SLC7A6: variants seen among roughly 807,000 people sequenced by gnomAD.
SLC7A6 encodes the protein solute carrier family 7 member 6.
In SLC7A6, 29 loss-of-function variants were observed where a neutral mutation model predicts 46.6. The ratio of observed to expected loss-of-function variants is 0.62; its 90% confidence interval spans 0.46 to 0.85. The LOEUF (loss-of-function observed/expected upper bound fraction) is 0.85. Ranked by LOEUF, SLC7A6 falls within the 40% of genes least tolerant of loss-of-function variation. The pLI is 0.00. For synonymous variants in SLC7A6, 276 were observed against 257.3 expected (o/e 1.07, Z -0.70); for missense variants, 527 against 647.6 (o/e 0.81, Z 2.02).
At position 68,296,299 on chromosome 16, in the gene SLC7A6, G is replaced by A. The variant is rs988609919; in HGVS notation, c.1120-65G>A. 5 of 1,585,492 alleles carry A rather than the reference G, an allele frequency of 3.2e-6. No individual in the cohort carries two copies. The Middle Eastern group carries it at 5.0e-4, about 158-fold the overall frequency. On this transcript the variant is annotated intron_variant, in intron 8 of 10. Coordinates refer to ENST00000219343, the MANE Select transcript of SLC7A6 (RefSeq NM_003983.6). ...TCAGATCTAGTACTGACTGCTGGGT[G>A]GGGGAGTCTCCTGGGGGCGCAGGTG...
At chr16:68,290,602 T>A in intron 5 of SLC7A6, 62 bp downstream of exon 5, 4 of 1,591,406 alleles carry the variant, frequency 2.5e-6, no homozygotes, top group Non-Finnish European at 3.4e-6. Flanking sequence ...ATAGTGGGCG[T>A]GCCTGCCCTC....
At position 68,275,245 on chromosome 16, in the gene SLC7A6, C is replaced by T. The variant is rs759358800; in HGVS notation, c.519C>T (p.Cys173=). 3.7e-6 allele frequency: 6 copies of T among 1,602,110 alleles called. No homozygotes were observed. The highest frequency in any genetic ancestry group is 2.7e-5 in the African/African-American group (2 of 73,556). Residue 173 remains cysteine, a synonymous_variant, in exon 3 of 11, where the codon TGC becomes TGT. Transcript: ENST00000219343. ...CCTGCCGTCTCCTGGCTGCTGCTTG[C>T]ATATGTAAGTGGGGGCTGAGATTGG... ...YLACRLLAAA[C]ICLLTFVNCA... is the part of the protein sequence containing the mutation.
intron 3 of SLC7A6, among the ~76,000 whole-genome samples, chr16:68,283,476 G>A (rs1372634677): frequency 2.0e-5 from 3 of 152,202 alleles, no homozygotes; most frequent in Non-Finnish European, 4.4e-5. Flanking sequence ...CATACATCCC[G>A]GGAGAAAACC....
chr16:68,297,506 C>G lies in SLC7A6; in HGVS notation c.*178C>G. Reference sequence around the variant, plus strand: ...GCTATAGGAGACTCAGGATCTGGGCCAACCTCAAGGTGGGGGCTTCAGAGG... The same window carrying G: ...GCTATAGGAGACTCAGGATCTGGGCGAACCTCAAGGTGGGGGCTTCAGAGG... On this transcript the variant is annotated 3_prime_UTR_variant, in exon 11 of 11. Coordinates refer to ENST00000219343, the MANE Select transcript of SLC7A6 (RefSeq NM_003983.6). 1 of 351,732 alleles carries G rather than the reference C, an allele frequency of 2.8e-6. No homozygotes were observed. Among genetic ancestry groups the G allele is most frequent in the Non-Finnish European group, 5.0e-6 (1 of 198,812 alleles). 21.8% of individuals were successfully genotyped at this position (351,732 alleles called of 1,614,324 possible).
chr16:68,287,924 A>G, intron 4 of SLC7A6, 53 bp downstream of exon 4: 2 of 1,596,738 alleles, frequency 1.3e-6, no homozygotes, highest in African/African-American at 1.3e-5. Context: ...TTCCCTGAGG[A>G]GAACATGGCG....
At chr16:68,276,743 A>G (rs560710827) in intron 3 of SLC7A6, among the ~76,000 whole-genome samples, 59 of 152,272 alleles carry the variant, frequency 3.9e-4, no homozygotes, top group African/African-American at 1.2e-3. Context: ...GACGCCTGTA[A>G]TCCCAGCACT....
chr16:68,275,593 C>A (rs2042698328), intron 3 of SLC7A6, among the ~76,000 whole-genome samples: 1 of 61,966 alleles, frequency 1.6e-5, no homozygotes, highest in African/African-American at 9.4e-5. Flanking sequence ...AAAACTCTGT[C>A]TCCAAAAAAA....
chr16:68,295,256 A>C (rs902814127), intron 8 of SLC7A6, among the ~76,000 whole-genome samples: 1 of 152,194 alleles, frequency 6.6e-6, no homozygotes, highest in Non-Finnish European at 1.5e-5. Flanking sequence ...CTGAAAACTA[A>C]AGAGGGACCA....
Position 68,275,052 on chromosome 16 carries a change from G to A in SLC7A6, c.326G>A (p.Gly109Glu). The A allele has an allele frequency of 6.2e-7, 1 of 1,614,156 alleles. No homozygotes were observed. Among genetic ancestry groups the A allele is most frequent in the Non-Finnish European group, 8.5e-7 (1 of 1,180,032 alleles). Residue 109 changes from glycine to glutamate, a missense_variant, in exon 3 of 11, where the codon GGA becomes GAA. By Grantham distance (98) the Gly-to-Glu change is moderately conservative (BLOSUM62 -2). Coordinates refer to ENST00000219343, the MANE Select transcript of SLC7A6 (RefSeq NM_003983.6). ...CTGGGGACCACCATCACCAAGTCGG[G>A]AGCCAGCTACGCTTATATTCTAGAG... Reference protein sequence around the residue: ...AELGTTITKSGASYAYILEAF... With the variant: ...AELGTTITKSEASYAYILEAF...
intron 8 of SLC7A6, among the ~76,000 whole-genome samples, chr16:68,295,139 G>C (rs1218885479): frequency 6.6e-6 from 1 of 151,796 alleles, no homozygotes. Context: ...ATTTTTTTAG[G>C]GTCCTTAATA....
chr16:68,291,944 A>C, intron 7 of SLC7A6: 1 of 357,898 alleles, frequency 2.8e-6, no homozygotes, highest in Admixed American at 4.5e-5. Context: ...CTGGTAGCTC[A>C]TATTTTGTGT....
intron 3 of SLC7A6, among the ~76,000 whole-genome samples, chr16:68,277,152 TCTC>T (rs2151218061): frequency 6.6e-6 from 1 of 151,650 alleles, no homozygotes; most frequent in African/African-American, 2.4e-5. Flanking sequence ...AATGGCATGA[TCTC>T]AGCTCACTGC....
chr16:68,293,961 G>C (rs1204675571), intron 7 of SLC7A6, among the ~76,000 whole-genome samples: 1 of 152,026 alleles, frequency 6.6e-6, no homozygotes, highest in Non-Finnish European at 1.5e-5. Context: ...GCAATGGTGC[G>C]ATCTCGGCTC....
Position 68,275,088 on chromosome 16 carries a change from G to T in SLC7A6, c.362G>T (p.Gly121Val), listed in dbSNP as rs2042685268. The change falls in exon 3 of 11, where the codon GGC (glycine) becomes GTC (valine). Residue 121 changes from glycine (G) to valine (V), a missense_variant. Coordinates refer to ENST00000219343, the MANE Select transcript of SLC7A6 (RefSeq NM_003983.6). Reference protein sequence around the residue: ...SYAYILEAFGGFIAFIRLWVS... With the variant: ...SYAYILEAFGVFIAFIRLWVS... ...GCTTATATTCTAGAGGCCTTTGGGGGCTTCATTGCCTTCATCCGCCTGTGG... is the reference window on the plus strand; with the variant it reads ...GCTTATATTCTAGAGGCCTTTGGGGTCTTCATTGCCTTCATCCGCCTGTGG... 1.9e-6 allele frequency: 3 copies of T among 1,614,140 alleles called. No individual in the cohort carries two copies. Among genetic ancestry groups the T allele is most frequent in the Non-Finnish European group, 2.5e-6 (3 of 1,180,024 alleles).
intron 7 of SLC7A6, among the ~76,000 whole-genome samples, chr16:68,293,366 G>A (rs1468815472): frequency 2.6e-5 from 4 of 152,246 alleles, no homozygotes; most frequent in African/African-American, 7.2e-5. Context: ...GGAGGTTGCA[G>A]TGAGCCGAGA....
At chr16:68,270,442 A>T (rs1414629822) in intron 2 of SLC7A6, among the ~76,000 whole-genome samples, 1 of 151,840 alleles carries the variant, frequency 6.6e-6, no homozygotes, top group African/African-American at 2.4e-5. Flanking sequence ...AGAAGGGTAT[A>T]GGTTGGCCTT....
Position 68,275,076 on chromosome 16 carries a change from A to G in SLC7A6, c.350A>G (p.Glu117Gly). The G allele has an allele frequency of 6.2e-7, 1 of 1,614,126 alleles. No homozygotes were observed. Among genetic ancestry groups the G allele is most frequent in the South Asian group, 1.1e-5 (1 of 91,070 alleles). The change falls in exon 3 of 11, where the codon GAG becomes GGG. Residue 117 changes from glutamate (E) to glycine (G), a missense_variant. Physicochemically the swap from Glu to Gly is moderately conservative, Grantham distance 98. Coordinates refer to ENST00000219343, the MANE Select transcript of SLC7A6 (RefSeq NM_003983.6). ...GGAGCCAGCTACGCTTATATTCTAG[A>G]GGCCTTTGGGGGCTTCATTGCCTTC... The part of the protein sequence containing the change: ...KSGASYAYIL[E>G]AFGGFIAFIR...
At chr16:68,276,305 G>T (rs1455821678) in intron 3 of SLC7A6, among the ~76,000 whole-genome samples, 1 of 152,192 alleles carries the variant, frequency 6.6e-6, no homozygotes, top group Non-Finnish European at 1.5e-5. Flanking sequence ...AATTTACCCA[G>T]CCTTGCAGAA....
intron 3 of SLC7A6, among the ~76,000 whole-genome samples, chr16:68,285,529 C>G (rs1162379298): frequency 6.6e-6 from 1 of 152,148 alleles, no homozygotes; most frequent in African/African-American, 2.4e-5. Flanking sequence ...ACCACTGTCC[C>G]CCTACTCCCA....
Sources: gnomAD v4.1 joint callset for allele counts (sites outside exome capture counted in the v4.1 genomes callset) on GRCh38, gnomAD v4.1.1 for gene constraint, MANE v1.5 for transcripts, NCBI Gene and HGNC (gene_info 2026-07-23, HGNC 2026-07-21) for gene names.